The following NELL1 variants were observed in gnomAD, a reference collection of about 807,000 sequenced individuals.
NELL1 encodes the protein protein kinase C-binding protein NELL1.
NELL1 carries 76 observed loss-of-function variants against 107.4 expected under a neutral mutation model. The ratio of observed to expected loss-of-function variants is 0.71; its 90% confidence interval spans 0.59 to 0.86. The LOEUF (loss-of-function observed/expected upper bound fraction) is 0.86, where lower values mean the gene tolerates loss of function less well. Ranked by LOEUF, NELL1 falls within the 40% of genes least tolerant of loss-of-function variation. The pLI, the probability that NELL1 is intolerant of heterozygous loss-of-function variation, is 0.00. For synonymous variants in NELL1, 353 were observed against 341.2 expected, an observed-to-expected ratio of 1.03 and a Z score of -0.38; for missense variants, 1,024 against 1,005.5, an observed-to-expected ratio of 1.02 and a Z score of -0.25.
intron 14 of NELL1, among the ~76,000 whole-genome samples, chr11:21,334,838 G>T: frequency 6.6e-6 from 1 of 151,906 alleles, no homozygotes; most frequent in East Asian, 1.9e-4. Flanking sequence ...TGTATCTGCT[G>T]AGGCAGCTGG....
chr11:21,573,874 A>G (rs1432038110), intron 19 of NELL1, among the ~76,000 whole-genome samples: 3 of 151,412 alleles, frequency 2.0e-5, no homozygotes, highest in African/African-American at 7.3e-5. Flanking sequence ...ATGTTAGGGG[A>G]AAAAAGTCCT....
intron 9 of NELL1, among the ~76,000 whole-genome samples, chr11:20,933,648 C>T (rs1363227606): frequency 1.3e-5 from 2 of 152,092 alleles, no homozygotes; most frequent in Admixed American, 1.3e-4. Flanking sequence ...CGCTGAGTAC[C>T]AAGGGATGGC....
chr11:20,703,442 A>G (rs553364370), intron 2 of NELL1, among the ~76,000 whole-genome samples: 1 of 152,226 alleles, frequency 6.6e-6, no homozygotes, highest in East Asian at 1.9e-4. Context: ...TGATCTTTTC[A>G]AAAAACCAGC....
In NELL1 at chr11:21,405,117, G is replaced by A. The variant is rs189551357; in HGVS notation, c.1645+34169G>A. Among the ~76,000 whole-genome samples the A allele has an allele frequency of 1.2e-3, 183 of 152,062 alleles. 2 individuals carry two copies. The highest frequency in any genetic ancestry group is 1.6e-3 in the Non-Finnish European group (111 of 67,934). On this transcript the variant is annotated intron_variant, in intron 15 of 19. Coordinates refer to ENST00000357134, the MANE Select transcript of NELL1 (RefSeq NM_006157.5). ...AAGGGCACTTTTGGTTATGGCTTCCGATGGCTGGGTGGTTCCACTTGTAGA... is the reference window on the plus strand; with the variant it reads ...AAGGGCACTTTTGGTTATGGCTTCCAATGGCTGGGTGGTTCCACTTGTAGA...
At chr11:21,371,328 T>C (rs149832382) in intron 15 of NELL1, among the ~76,000 whole-genome samples, 1 of 152,248 alleles carries the variant, frequency 6.6e-6, no homozygotes, top group Non-Finnish European at 1.5e-5. Context: ...GGAATCTAAA[T>C]TAGCAGCACA....
At chr11:21,056,325 T>C (rs1853614397) in intron 12 of NELL1, among the ~76,000 whole-genome samples, 1 of 152,178 alleles carries the variant, frequency 6.6e-6, no homozygotes, top group African/African-American at 2.4e-5. Context: ...CCTTATTTGC[T>C]AACTTTTAGA....
At chr11:21,566,285 T>C (rs1856971090) in intron 17 of NELL1, among the ~76,000 whole-genome samples, 1 of 151,760 alleles carries the variant, frequency 6.6e-6, no homozygotes, top group Non-Finnish European at 1.5e-5. Context: ...CAAAACTCTA[T>C]GGCAGAAAAA....
intron 14 of NELL1, among the ~76,000 whole-genome samples, chr11:21,286,415 C>T (rs150795201): frequency 2.0e-5 from 3 of 152,300 alleles, no homozygotes; most frequent in East Asian, 1.9e-4. Context: ...CTGATCTAGA[C>T]GTGCACCAAA....
At chr11:20,960,079 TATTA>T (rs1242613870) in intron 11 of NELL1, among the ~76,000 whole-genome samples, 13 of 152,142 alleles carry the variant, frequency 8.5e-5, no homozygotes, top group African/African-American at 1.9e-4. Context: ...TATTCATATA[TATTA>T]ATTTTATTAC....
intron 3 of NELL1, among the ~76,000 whole-genome samples, chr11:20,815,215 C>A (rs1234173943): frequency 6.6e-6 from 1 of 152,086 alleles, no homozygotes; most frequent in East Asian, 1.9e-4. Context: ...CAGGTGCCTG[C>A]CACCACACCT....
intron 3 of NELL1, among the ~76,000 whole-genome samples, chr11:20,833,860 G>A (rs1024218137): frequency 4.6e-5 from 7 of 152,258 alleles, no homozygotes; most frequent in African/African-American, 1.2e-4. Flanking sequence ...TTGAAAGAAC[G>A]TTGGTGTGTA....
intron 14 of NELL1, among the ~76,000 whole-genome samples, chr11:21,367,230 C>T (rs565620448): frequency 6.7e-6 from 1 of 150,336 alleles, no homozygotes; most frequent in South Asian, 2.1e-4. Flanking sequence ...TAACAAATGG[C>T]ACTATAATGA....
At chr11:20,867,567 AT>A (rs1849118911) in intron 4 of NELL1, among the ~76,000 whole-genome samples, 1 of 152,160 alleles carries the variant, frequency 6.6e-6, no homozygotes, top group African/African-American at 2.4e-5. Context: ...TCTGGGCATC[AT>A]TTGCAAAATG....
chr11:21,324,958 C>T (rs1160102257), intron 14 of NELL1, among the ~76,000 whole-genome samples: 1 of 151,990 alleles, frequency 6.6e-6, no homozygotes, highest in East Asian at 1.9e-4. Flanking sequence ...TAGAATCATC[C>T]TTACTTTCCA....
chr11:20,744,788 T>C (rs1855967273), intron 2 of NELL1, among the ~76,000 whole-genome samples: 1 of 152,242 alleles, frequency 6.6e-6, no homozygotes, highest in Admixed American at 6.5e-5. Context: ...GGTAATATGT[T>C]CTGTCCACAG....
intron 2 of NELL1, among the ~76,000 whole-genome samples, chr11:20,687,860 T>A (rs1792997): frequency 3.5e-4 from 53 of 151,980 alleles, no homozygotes; most frequent in Non-Finnish European, 2.9e-5. Flanking sequence ...CCCAAAGTTC[T>A]GGGATTACAG....
At chr11:21,122,281 A>G (rs1397339510) in intron 13 of NELL1, among the ~76,000 whole-genome samples, 1 of 152,196 alleles carries the variant, frequency 6.6e-6, no homozygotes, top group Non-Finnish European at 1.5e-5. Flanking sequence ...CAGAATCACA[A>G]TAAGGCTTTC....
At chr11:21,462,412 T>C (rs1476969194) in intron 15 of NELL1, among the ~76,000 whole-genome samples, 1 of 152,048 alleles carries the variant, frequency 6.6e-6, no homozygotes, top group African/African-American at 2.4e-5. Flanking sequence ...TTTTGGGAGT[T>C]TAAGGTAGGA....
chr11:21,232,104 A>G (rs1489744761), intron 14 of NELL1, among the ~76,000 whole-genome samples: 1 of 148,704 alleles, frequency 6.7e-6, no homozygotes, highest in Non-Finnish European at 1.5e-5. Context: ...GTTCTAGACC[A>G]GCCTGGCCAA....
Sources: allele counts gnomAD v4.1 joint callset (sites outside exome capture counted in the v4.1 genomes callset), GRCh38; gene constraint gnomAD v4.1.1; transcripts MANE v1.5; gene names NCBI Gene and HGNC (gene_info 2026-07-23, HGNC 2026-07-21).